Variants in TSPAN15 observed in about 807,000 individuals in gnomAD.
TSPAN15 encodes the protein tetraspanin-15.
TSPAN15 carries 20 observed loss-of-function variants against 34.5 expected under a neutral mutation model. The ratio of observed to expected loss-of-function variants is 0.58; its 90% CI spans 0.41 to 0.84. The LOEUF (loss-of-function observed/expected upper bound fraction) is 0.84. Among genes scored for constraint, TSPAN15 ranks in the 40% least tolerant of loss-of-function variants. The probability of loss-of-function intolerance (pLI) is 0.00; values close to 1 mark genes in which losing one functional copy is unlikely to be tolerated. For synonymous variants in TSPAN15, 155 were observed against 153.9 expected (o/e 1.01, Z -0.05); for missense variants, 313 against 386.1 (o/e 0.81, Z 1.59).
rs779893009 is a variant in TSPAN15 at position 69,506,210 on chromosome 10, G to A, written c.705G>A (p.Ala235=). The A allele has an allele frequency of 6.2e-6, 10 of 1,614,032 alleles. No individual in the cohort carries two copies. The Admixed American group carries it at 8.3e-5, about 13-fold the overall frequency. ...IWFMDNYTIM[A]GILLGILLPQ... Reference sequence around the variant, plus strand: ...TCATGGACAACTACACCATCATGGCGGGCATCCTCCTGGGCATCCTGCTTC... The same window carrying A: ...TCATGGACAACTACACCATCATGGCAGGCATCCTCCTGGGCATCCTGCTTC... The change falls in exon 7 of 8, where the codon GCG becomes GCA. Residue 235 remains alanine, a synonymous_variant. Coordinates refer to ENST00000373290, the MANE Select transcript of TSPAN15 (RefSeq NM_012339.5). The surrounding 1 kb of genome is among the most constrained non-coding windows in gnomAD (Gnocchi z 4.7).
chr10:69,465,342 C>T (rs191576029), intron 1 of TSPAN15, among the ~76,000 whole-genome samples: 2 of 152,202 alleles, frequency 1.3e-5, no homozygotes, highest in Non-Finnish European at 2.9e-5. Flanking sequence ...TGGGGTGGGG[C>T]CTACTTCTGG....
chr10:69,519,206 C>T, the TSPAN15 span, among the ~76,000 whole-genome samples: 1 of 152,140 alleles, frequency 6.6e-6, no homozygotes. Context: ...TGCTTGAGCC[C>T]AGGAGTTTAA....
the TSPAN15 span, among the ~76,000 whole-genome samples, chr10:69,518,042 A>G: frequency 0.011 from 1,600 of 152,336 alleles, 28 homozygotes; most frequent in African/African-American, 0.036. Flanking sequence ...TCAGTTCTAC[A>G]TTGCATTGGC....
At chr10:69,525,011 C>T in the TSPAN15 span, among the ~76,000 whole-genome samples, 5 of 147,748 alleles carry the variant, frequency 3.4e-5, no homozygotes, top group Admixed American at 7.0e-5. Flanking sequence ...GAACTCCTAA[C>T]CTCAGGCAAT....
In TSPAN15 at chr10:69,471,998, C is replaced by G. The variant is rs563977291; in HGVS notation, c.97-11693C>G. ...TCATCATAAACAAAAGCTCCAGAAT[C>G]TTCAAACATTTTTAACAATGAAAAG... On this transcript the variant is annotated intron_variant, in intron 1 of 7. Transcript: ENST00000373290. Among the ~76,000 whole-genome samples the G allele has an allele frequency of 3.8e-4, 58 of 152,184 alleles. 1 individual carries two copies. The highest frequency in any genetic ancestry group is 1.6e-3 in the Admixed American group (25 of 15,272).
the TSPAN15 span, among the ~76,000 whole-genome samples, chr10:69,546,993 A>T: frequency 4.6e-5 from 7 of 152,088 alleles, no homozygotes; most frequent in Admixed American, 3.3e-4. Context: ...AAAAATAAAA[A>T]ATTTAAATAC....
intron 1 of TSPAN15, among the ~76,000 whole-genome samples, chr10:69,463,723 T>C (rs1270170942): frequency 1.3e-5 from 2 of 151,636 alleles, no homozygotes; most frequent in Admixed American, 6.6e-5. Context: ...GGCAGGAGAA[T>C]TGCTTGAACC....
rs1842176825 is a variant in TSPAN15, at chr10:69,500,245, G to T, written c.570+1849G>T. Among the ~76,000 whole-genome samples, 4 of 152,156 alleles carry T rather than the reference G, an allele frequency of 2.6e-5. No homozygotes were observed. In the South Asian group the frequency reaches 8.3e-4, roughly 32 times the overall value. ...GCAGCCTCAGCTCAGTTCGGCTGGA[G>T]GCCTCAGCCACATCTATGAGGACAG... is the stretch of plus-strand genomic sequence containing the variant. On this transcript the variant is annotated intron_variant, in intron 5 of 7. Coordinates refer to ENST00000373290, the MANE Select transcript of TSPAN15 (RefSeq NM_012339.5).
the TSPAN15 span, among the ~76,000 whole-genome samples, chr10:69,532,503 A>G: frequency 6.6e-6 from 1 of 152,326 alleles, no homozygotes; most frequent in South Asian, 2.1e-4. Flanking sequence ...CTCGACCTTC[A>G]TCTCTCACCT....
At chr10:69,526,273 C>T in the TSPAN15 span, among the ~76,000 whole-genome samples, 10 of 147,514 alleles carry the variant, frequency 6.8e-5, 1 homozygote, top group South Asian at 2.1e-4. Context: ...TTAAAAATAT[C>T]GCAAATAGGT....
chr10:69,455,625 T>TTTCTCCC (rs1554830570), intron 1 of TSPAN15, among the ~76,000 whole-genome samples: 1 of 82,834 alleles, frequency 1.2e-5, no homozygotes, highest in African/African-American at 4.9e-5. Context: ...TCTCTCTCTC[T>TTTCTCCC]CCCCCCCCCG....
chr10:69,467,680 T>A (rs1244559491), intron 1 of TSPAN15, among the ~76,000 whole-genome samples: 1 of 147,434 alleles, frequency 6.8e-6, no homozygotes, highest in African/African-American at 2.6e-5. Flanking sequence ...ACACACCTCT[T>A]CTTGGAAAAC....
the TSPAN15 span, among the ~76,000 whole-genome samples, chr10:69,543,740 A>T: frequency 5.3e-5 from 8 of 152,178 alleles, no homozygotes; most frequent in South Asian, 1.2e-3. Context: ...TTGCAAGCTA[A>T]CAAGGGGAGA....
chr10:69,507,651 GTTTTTTTTTTTT>G, exon 8 of TSPAN15: 3 of 1,007,626 alleles, frequency 3.0e-6, no homozygotes, highest in Non-Finnish European at 3.8e-6. Context: ...ATAAAAACAT[GTTTTTTTTTTTT>G]TTTTTTTTTT....
At chr10:69,487,488 A>G (rs1357189817) in intron 3 of TSPAN15, among the ~76,000 whole-genome samples, 2 of 151,806 alleles carry the variant, frequency 1.3e-5, no homozygotes, top group East Asian at 3.9e-4. Flanking sequence ...CCATTTGCCC[A>G]TGGGGCTGCC....
the TSPAN15 span, among the ~76,000 whole-genome samples, chr10:69,545,594 C>T: frequency 1.3e-5 from 2 of 152,196 alleles, no homozygotes; most frequent in South Asian, 4.1e-4. Context: ...ATTTCCTAAA[C>T]ACCTAAGGGA....
chr10:69,459,495 A>G (rs1484007400), intron 1 of TSPAN15, among the ~76,000 whole-genome samples: 1 of 152,158 alleles, frequency 6.6e-6, no homozygotes, highest in Non-Finnish European at 1.5e-5. Flanking sequence ...ATTTCAGCTG[A>G]AGCTCAAATA....
At chr10:69,452,206 CGAG>C (rs1308606885) in intron 1 of TSPAN15, among the ~76,000 whole-genome samples, 35 of 152,164 alleles carry the variant, frequency 2.3e-4, no homozygotes, top group East Asian at 3.9e-4. Context: ...TCCTGCGTGG[CGAG>C]GAGAAGTCCA....
At chr10:69,524,127 C>A in the TSPAN15 span, among the ~76,000 whole-genome samples, 1 of 147,904 alleles carries the variant, frequency 6.8e-6, no homozygotes, top group African/African-American at 2.5e-5. Flanking sequence ...CAGTGTGGCC[C>A]TCAGTCCTGA....
Sources: gnomAD v4.1 joint callset for allele counts (sites outside exome capture counted in the v4.1 genomes callset) on GRCh38, gnomAD v4.1.1 for gene constraint, Gnocchi (gnomAD v3.1) non-coding constraint, MANE v1.5 for transcripts, NCBI Gene and HGNC (gene_info 2026-07-23, HGNC 2026-07-21) for gene names.